Variants in TESMIN observed in about 807,000 individuals in gnomAD.
TESMIN encodes the protein testis expressed metallothionein like protein, also known as CXC domain containing 2.
A neutral mutation model predicts 47.4 loss-of-function variants in TESMIN; 34 were observed. That is an observed-to-expected ratio of 0.72 (90% confidence interval 0.55 to 0.96). The LOEUF (loss-of-function observed/expected upper bound fraction) is 0.96. Ranked by LOEUF, TESMIN falls within the 40% of genes least tolerant of loss-of-function variation. The pLI is 0.00. For synonymous variants in TESMIN, 278 were observed against 258.9 expected (o/e 1.07, Z -0.71); for missense variants, 610 against 637.2 (o/e 0.96, Z 0.46).
At chr11:68,740,137 C>T (rs1233474864) in intron 5 of TESMIN, among the ~76,000 whole-genome samples, 3 of 152,104 alleles carry the variant, frequency 2.0e-5, no homozygotes, top group Non-Finnish European at 2.9e-5. Context: ...GCACAAGTCA[C>T]CTGGGGCCTT....
At chr11:68,750,135 T>G in intron 2 of TESMIN, 55 bp downstream of exon 2, 1 of 1,340,068 alleles carries the variant, frequency 7.5e-7, no homozygotes, top group Non-Finnish European at 9.7e-7. Context: ...CAGCCTCAGA[T>G]GGGTTGGGGA....
Position 68,710,971 on chromosome 11 carries a change from T to G in TESMIN, c.1237A>C (p.Met413Leu), listed in dbSNP as rs1268758493. Residue 413 changes from methionine (M) to leucine (L), a missense_variant, in exon 9 of 10, where the codon ATG becomes CTG. Transcript: ENST00000255087. ...GTCTGCATGTAGTTTGGCATGCTCA[T>G]TAGTGTCTTTCGTTCTGGGCTTTCT... Reference protein sequence around the residue: ...YEESPERKTLMSMPNYMQTGG... With the variant: ...YEESPERKTLLSMPNYMQTGG... 1 of 1,613,922 alleles carries G rather than the reference T, an allele frequency of 6.2e-7. No individual in the cohort carries two copies. The highest frequency in any genetic ancestry group is 1.7e-5 in the Admixed American group (1 of 59,998).
chr11:68,738,589 T>G, intron 6 of TESMIN, 111 bp downstream of exon 6: 2 of 1,524,594 alleles, frequency 1.3e-6, no homozygotes, highest in South Asian at 1.3e-5. Context: ...TCAGAAGTCA[T>G]GAAGGTGTGC....
downstream of TESMIN, among the ~76,000 whole-genome samples, chr11:68,705,038 G>A (rs1945985474): frequency 6.6e-6 from 1 of 152,190 alleles, no homozygotes; most frequent in African/African-American, 2.4e-5. Context: ...CAGGGCTGGG[G>A]GAAGATGCCT....
chr11:68,741,931 T>C (rs1182711845), intron 5 of TESMIN, among the ~76,000 whole-genome samples: 1 of 152,266 alleles, frequency 6.6e-6, no homozygotes, highest in African/African-American at 2.4e-5. Context: ...TATACACATA[T>C]CATGGTGTAA....
intron 9 of TESMIN, 197 bp downstream of exon 9, chr11:68,710,677 T>G (rs1946052565): frequency 1.8e-6 from 1 of 541,976 alleles, no homozygotes; most frequent in African/African-American, 1.9e-5. Context: ...AACAGGTTTC[T>G]GCAGCGGGGC....
intron 4 of TESMIN, among the ~76,000 whole-genome samples, chr11:68,744,428 A>C (rs1946494128): frequency 6.6e-6 from 1 of 152,238 alleles, no homozygotes; most frequent in African/African-American, 2.4e-5. Context: ...AGAACAATCA[A>C]GTACTTACAG....
At chr11:68,714,358 TGTGTGCACACCTGTGTAC>T (rs1375121565) in intron 7 of TESMIN, among the ~76,000 whole-genome samples, 1 of 152,208 alleles carries the variant, frequency 6.6e-6, no homozygotes, top group Non-Finnish European at 1.5e-5. Flanking sequence ...ATCTTGTGCA[TGTGTGCACACCTGTGTAC>T]CTGTGCACAC....
At chr11:68,712,693 G>A (rs548683314) in intron 8 of TESMIN, among the ~76,000 whole-genome samples, 6 of 152,322 alleles carry the variant, frequency 3.9e-5, no homozygotes, top group African/African-American at 9.6e-5. Context: ...TGTCCAGGCC[G>A]TGATCTGCAG....
At position 68,711,039 on chromosome 11, in the gene TESMIN, A is replaced by G. The variant is rs985707859; in HGVS notation, c.1169T>C (p.Met390Thr). 2.5e-6 allele frequency: 4 copies of G among 1,606,972 alleles called. No homozygotes were observed. Among genetic ancestry groups the G allele is most frequent in the Middle Eastern group, 1.6e-4 (1 of 6,064 alleles). Reference sequence around the variant, plus strand: ...AATGCATTTGCAAATAGAAGAACACATAATTTGGGCCTGGTAATATAAAAT... The same window carrying G: ...AATGCATTTGCAAATAGAAGAACACGTAATTTGGGCCTGGTAATATAAAAT... ...NYCECYEAQI[M>T]CSSICKCIGC... Residue 390 changes from methionine to threonine, a missense_variant, in exon 9 of 10, where the codon ATG (methionine) becomes ACG (threonine). Transcript: ENST00000255087.
chr11:68,720,467 C>T (rs930937527), intron 6 of TESMIN, among the ~76,000 whole-genome samples: 1 of 152,206 alleles, frequency 6.6e-6, no homozygotes, highest in Non-Finnish European at 1.5e-5. Flanking sequence ...AATCAACCAG[C>T]TCCTGGAAAA....
At chr11:68,731,409 C>T (rs778928287) in intron 6 of TESMIN, among the ~76,000 whole-genome samples, 3 of 150,274 alleles carry the variant, frequency 2.0e-5, no homozygotes, top group Non-Finnish European at 4.4e-5. Context: ...GCCTGGGTGA[C>T]ACAGTGAGAC....
At chr11:68,726,214 T>C (rs1946261965) in intron 6 of TESMIN, among the ~76,000 whole-genome samples, 1 of 152,206 alleles carries the variant, frequency 6.6e-6, no homozygotes, top group South Asian at 2.1e-4. Context: ...TGGGAACAAA[T>C]GCCCTGAAAA....
downstream of TESMIN, among the ~76,000 whole-genome samples, chr11:68,707,014 C>A (rs1291834573): frequency 6.6e-6 from 1 of 152,244 alleles, no homozygotes; most frequent in East Asian, 1.9e-4. Context: ...GGACTGAAAG[C>A]ACACACAGCA....
At chr11:68,717,538 G>C (rs996134092) in intron 6 of TESMIN, among the ~76,000 whole-genome samples, 1 of 152,228 alleles carries the variant, frequency 6.6e-6, no homozygotes, top group African/African-American at 2.4e-5. Context: ...CAGATGGAAA[G>C]AAGGGAAAGG....
intron 4 of TESMIN, 70 bp from the exon 5 acceptor site, chr11:68,742,464 G>C: frequency 1.0e-6 from 1 of 992,114 alleles, no homozygotes; most frequent in Non-Finnish European, 1.5e-6. Flanking sequence ...GTGGATGAAA[G>C]TACAAAAGTC....
intron 6 of TESMIN, among the ~76,000 whole-genome samples, chr11:68,730,692 G>C (rs896582925): frequency 1.3e-5 from 2 of 151,818 alleles, no homozygotes; most frequent in African/African-American, 4.8e-5. Context: ...CTACTCAGGA[G>C]GCTGAAGCAG....
chr11:68,722,543 C>G (rs1172100601), intron 6 of TESMIN, among the ~76,000 whole-genome samples: 1 of 151,750 alleles, frequency 6.6e-6, no homozygotes, highest in East Asian at 1.9e-4. Context: ...AAAGTTGTTA[C>G]AAATAAGTCC....
intron 5 of TESMIN, among the ~76,000 whole-genome samples, chr11:68,739,926 G>A (rs966252456): frequency 3.3e-5 from 5 of 152,132 alleles, no homozygotes; most frequent in Admixed American, 3.3e-4. Context: ...GCAATTATTC[G>A]CATAAACCAG....
Sources: gnomAD v4.1 joint callset for allele counts (sites outside exome capture counted in the v4.1 genomes callset) on GRCh38, gnomAD v4.1.1 for gene constraint, MANE v1.5 for transcripts, NCBI Gene and HGNC (gene_info 2026-07-23, HGNC 2026-07-21) for gene names.